MAP2K5: variants seen among roughly 807,000 people sequenced by gnomAD.
MAP2K5 encodes mitogen-activated protein kinase kinase 5.
In MAP2K5, 49 loss-of-function variants were observed where a neutral mutation model predicts 83.1. The observed-to-expected ratio is 0.59, with a 90% CI of 0.47 to 0.75. The LOEUF is 0.75. Ranked by LOEUF, MAP2K5 falls within the 30% of genes least tolerant of loss-of-function variation. The probability of loss-of-function intolerance (pLI) is 0.00; values close to 1 mark genes in which losing one functional copy is unlikely to be tolerated. For synonymous variants in MAP2K5, 202 were observed against 191.8 expected, an observed-to-expected ratio of 1.05 and a Z score of -0.44; for missense variants, 457 against 557.5, an observed-to-expected ratio of 0.82 and a Z score of 1.82.
intron 15 of MAP2K5, among the ~76,000 whole-genome samples, chr15:67,694,563 C>T (rs1404718181): frequency 6.6e-6 from 1 of 152,014 alleles, no homozygotes; most frequent in African/African-American, 2.4e-5. Flanking sequence ...AATGAGATAC[C>T]ATCTCACACC....
chr15:67,731,251 T>A (rs564803659), intron 17 of MAP2K5, among the ~76,000 whole-genome samples: 2 of 152,122 alleles, frequency 1.3e-5, no homozygotes, highest in Non-Finnish European at 2.9e-5. Context: ...GACAGCATCA[T>A]TAGCAGCCCC....
At position 67,720,478 on chromosome 15, in the gene MAP2K5, G is replaced by T. The variant is rs1002204087; in HGVS notation, c.1045-7438G>T. On this transcript the variant is annotated intron_variant, in intron 16 of 21. Transcript: ENST00000178640. The surrounding 1 kb of genome is among the most constrained non-coding windows in gnomAD (Gnocchi z 5.7). ...TTAGAAAGACCAAGAAACATTTAAA[G>T]ATTCAAAACAATAGCATTTAGCCTG... 1.3e-5 allele frequency among the ~76,000 whole-genome samples: 2 copies of T among 152,084 alleles called. No individual in the cohort carries two copies. Among genetic ancestry groups the T allele is most frequent in the African/African-American group, 4.8e-5 (2 of 41,396 alleles).
At chr15:67,646,542 A>G in intron 11 of MAP2K5, 73 bp downstream of exon 11, 1 of 734,938 alleles carries the variant, frequency 1.4e-6, no homozygotes, top group Non-Finnish European at 2.2e-6. Flanking sequence ...TGGTTTTGAT[A>G]TAGATATCAA....
At position 67,640,522 on chromosome 15, in the gene MAP2K5, T is replaced by C; in HGVS notation, c.586-5709T>C. 1 of 949,192 alleles carries C rather than the reference T, an allele frequency of 1.1e-6. No homozygotes were observed. Among genetic ancestry groups the C allele is most frequent in the Non-Finnish European group, 1.3e-6 (1 of 796,868 alleles). The allele number at this position is 949,192 out of a possible 1,614,324, so 58.8% of individuals were successfully genotyped here. A position where few individuals can be genotyped will look rare whatever the true frequency, so the allele number is the denominator to read the frequency against. On this transcript the variant is annotated intron_variant, in intron 9 of 21. Transcript: ENST00000178640. The surrounding 1 kb of genome is among the most constrained non-coding windows in gnomAD (Gnocchi z 4.6). ...GGGGCTGCCTGATGTCACAGAGGAT[T>C]GTGAAGAGCAGCAAATCACAGTCCT... is the stretch of plus-strand genomic sequence containing the variant.
chr15:67,728,804 T>G (rs1490911233), intron 17 of MAP2K5, among the ~76,000 whole-genome samples: 1 of 152,222 alleles, frequency 6.6e-6, no homozygotes, highest in African/African-American at 2.4e-5. Context: ...TTATGCATGG[T>G]TAGATTATGC....
chr15:67,763,311 A>G (rs998063941), intron 19 of MAP2K5, among the ~76,000 whole-genome samples: 1 of 152,116 alleles, frequency 6.6e-6, no homozygotes, highest in African/African-American at 2.4e-5. Context: ...AATAAACTCA[A>G]TGTTTTAACA....
intron 1 of MAP2K5, among the ~76,000 whole-genome samples, chr15:67,547,672 G>A (rs2084424493): frequency 6.6e-6 from 1 of 152,052 alleles, no homozygotes; most frequent in Non-Finnish European, 1.5e-5. Context: ...GGCCAGGCTG[G>A]TCTTGAACTC....
chr15:67,753,680 A>G (rs1160216733), intron 19 of MAP2K5, among the ~76,000 whole-genome samples: 2 of 152,114 alleles, frequency 1.3e-5, no homozygotes, highest in Admixed American at 6.5e-5. Context: ...TAAAAAAAAA[A>G]GAAAAGAAAA....
At chr15:67,554,587 A>G (rs2084586662) in intron 2 of MAP2K5, among the ~76,000 whole-genome samples, 1 of 152,322 alleles carries the variant, frequency 6.6e-6, no homozygotes, top group East Asian at 1.9e-4. Flanking sequence ...CGTCTCTTCA[A>G]TGAAACCTCC....
chr15:67,684,974 TA>T (rs2141190429), intron 13 of MAP2K5, among the ~76,000 whole-genome samples: 1 of 152,202 alleles, frequency 6.6e-6, no homozygotes, highest in South Asian at 2.1e-4. Flanking sequence ...TCAAGAAGTC[TA>T]AGATATATGT....
intron 8 of MAP2K5, among the ~76,000 whole-genome samples, chr15:67,623,743 A>G (rs2086243308): frequency 6.6e-6 from 1 of 151,496 alleles, no homozygotes; most frequent in Admixed American, 6.6e-5. Context: ...GATTACAGGC[A>G]CCCACCACCA....
At position 67,785,235 on chromosome 15, in the gene MAP2K5, G is replaced by A. The variant is rs541111131; in HGVS notation, c.1242+12483G>A. On this transcript the variant is annotated intron_variant, in intron 21 of 21. Transcript: ENST00000178640. The surrounding 1 kb of genome is among the most constrained non-coding windows in gnomAD (Gnocchi z 4.4). Reference sequence around the variant, plus strand: ...GCTGGGATTACAGGTGTGAGCCACCGTGCCCGGCCCCGAACTGTTTCTTAA... The same window carrying A: ...GCTGGGATTACAGGTGTGAGCCACCATGCCCGGCCCCGAACTGTTTCTTAA... Among the ~76,000 whole-genome samples the A allele has an allele frequency of 6.6e-6, 1 of 152,308 alleles. No individual in the cohort carries two copies. Among genetic ancestry groups the A allele is most frequent in the Non-Finnish European group, 1.5e-5 (1 of 68,034 alleles).
chr15:67,669,388 A>G (rs1300321722), intron 13 of MAP2K5, among the ~76,000 whole-genome samples: 1 of 152,158 alleles, frequency 6.6e-6, no homozygotes, highest in Non-Finnish European at 1.5e-5. Context: ...AAGAAACCTC[A>G]TAGGGAAGAT....
At chr15:67,739,602 G>T (rs549302369) in intron 17 of MAP2K5, among the ~76,000 whole-genome samples, 5 of 146,734 alleles carry the variant, frequency 3.4e-5, no homozygotes, top group East Asian at 2.2e-4. Flanking sequence ...TGCCTCAGCC[G>T]CCCTAGTAGC....
Position 67,690,479 on chromosome 15 carries a change from A to G in MAP2K5, c.848-2000A>G, listed in dbSNP as rs2088078448. Among the ~76,000 whole-genome samples the G allele has an allele frequency of 6.6e-6, 1 of 152,132 alleles. No individual in the cohort carries two copies. Among genetic ancestry groups the G allele is most frequent in the Non-Finnish European group, 1.5e-5 (1 of 68,034 alleles). ...TATAAGAATTATGTTGAAAAATTAG[A>G]GAAAACTAGACGCCAAGAGACCAGG... On this transcript the variant is annotated intron_variant, in intron 13 of 21. Coordinates refer to ENST00000178640, the MANE Select transcript of MAP2K5 (RefSeq NM_145160.3). This position sits in a 1 kb window ranked among gnomAD's most constrained non-coding sequence, Gnocchi z 4.3.
At position 67,582,104 on chromosome 15, in the gene MAP2K5, C is replaced by T. The variant is rs186290970; in HGVS notation, c.322+1281C>T. Among the ~76,000 whole-genome samples, 22 of 149,676 alleles carry T rather than the reference C, an allele frequency of 1.5e-4. No individual in the cohort carries two copies. In the East Asian group the frequency reaches 2.5e-3, roughly 17 times the overall value. Reference sequence around the variant, plus strand: ...TCGAGACAGAGTCTCGCTCTGCCACCAGGCTGGAGTGCAGTGGTGCAATCT... The same window carrying T: ...TCGAGACAGAGTCTCGCTCTGCCACTAGGCTGGAGTGCAGTGGTGCAATCT... On this transcript the variant is annotated intron_variant, in intron 4 of 21. Coordinates refer to ENST00000178640, the MANE Select transcript of MAP2K5 (RefSeq NM_145160.3).
In MAP2K5 at chr15:67,542,936, T is replaced by C. The variant is rs2084323019; in HGVS notation, c.-400T>C. 1 of 228,544 alleles carries C rather than the reference T, an allele frequency of 4.4e-6. No homozygotes were observed. Among genetic ancestry groups the C allele is most frequent in the Admixed American group, 5.1e-5 (1 of 19,522 alleles). 14.2% of individuals were successfully genotyped at this position (228,544 alleles called of 1,614,324 possible). A position where few individuals can be genotyped will look rare whatever the true frequency, so the allele number is the denominator to read the frequency against. ...TCCCCTCCAGTCGAGGACCCTCTCC[T>C]AGTCCACTGACGAGCGGTGGACACC... is the stretch of plus-strand genomic sequence containing the variant. On this transcript the variant is annotated 5_prime_UTR_variant, in exon 1 of 22. Coordinates refer to ENST00000178640, the MANE Select transcript of MAP2K5 (RefSeq NM_145160.3).
In MAP2K5 at chr15:67,562,769, T is replaced by A. The variant is rs1470549628; in HGVS notation, c.185-514T>A. 2.0e-5 allele frequency among the ~76,000 whole-genome samples: 3 copies of A among 152,202 alleles called. No individual in the cohort carries two copies. Among genetic ancestry groups the A allele is most frequent in the Non-Finnish European group, 4.4e-5 (3 of 68,032 alleles). On this transcript the variant is annotated intron_variant, in intron 2 of 21. Transcript: ENST00000178640. This position sits in a 1 kb window ranked among gnomAD's most constrained non-coding sequence, Gnocchi z 4.1. ...AATGATGTTCATGTCGCAGGTTTGT[T>A]ATGAGGTTTTCAAGGAGGTATTGCA... is the stretch of plus-strand genomic sequence containing the variant.
chr15:67,756,056 A>T (rs191486281), intron 19 of MAP2K5, among the ~76,000 whole-genome samples: 10 of 152,142 alleles, frequency 6.6e-5, no homozygotes, highest in African/African-American at 1.2e-4. Context: ...TCTCCCCCAC[A>T]CTAGGGCACA....
Sources: allele counts gnomAD v4.1 joint callset (sites outside exome capture counted in the v4.1 genomes callset), GRCh38; gene constraint gnomAD v4.1.1; non-coding constraint Gnocchi (gnomAD v3.1); transcripts MANE v1.5; gene names NCBI Gene and HGNC (gene_info 2026-07-23, HGNC 2026-07-21).